The following RRM2 variants were observed in gnomAD, a reference collection of about 807,000 sequenced individuals.
RRM2 encodes the protein ribonucleoside-diphosphate reductase subunit M2.
RRM2 carries 6 observed loss-of-function variants against 45.9 expected under a neutral mutation model. The ratio of observed to expected loss-of-function variants is 0.13; its 90% CI spans 0.07 to 0.26. The LOEUF is 0.26. Ranked by LOEUF, RRM2 falls within the 10% of genes least tolerant of loss-of-function variation. The pLI is 1.00. For missense variants in RRM2, 343 were observed against 489.5 expected (o/e 0.70, Z 2.82); for synonymous variants, 177 against 173.0 (o/e 1.02, Z -0.18).
At position 10,122,767 on chromosome 2, in the gene RRM2, G is replaced by A. The variant is rs755425319; in HGVS notation, c.-32G>A. 1 of 1,564,400 alleles carries A rather than the reference G, an allele frequency of 6.4e-7. No homozygotes were observed. The highest frequency in any genetic ancestry group is 2.4e-5 in the East Asian group (1 of 42,400). On this transcript the variant is annotated 5_prime_UTR_variant, in exon 1 of 10. Transcript: ENST00000304567. ...CACCCTGTCCCAGCCGTCCTGTCCT[G>A]GCTGCTCGCTCTGCTTCGCTGCGCC... is the stretch of plus-strand genomic sequence containing the variant.
chr2:10,160,106 T>C (rs770428713), intron 3 of RRM2, among the ~76,000 whole-genome samples: 1 of 152,204 alleles, frequency 6.6e-6, no homozygotes, highest in Non-Finnish European at 1.5e-5. Context: ...CCTGCTCTTA[T>C]GGGCTGCCGT....
chr2:10,145,044 A>G (rs1170827175), intron 3 of RRM2, among the ~76,000 whole-genome samples: 1 of 152,132 alleles, frequency 6.6e-6, no homozygotes, highest in African/African-American at 2.4e-5. Context: ...AGGGATCTGT[A>G]GGAGTCTGTG....
At chr2:10,132,423 T>C (rs2125309321), downstream of RRM2, among the ~76,000 whole-genome samples, 1 of 152,198 alleles carries the variant, frequency 6.6e-6, no homozygotes, top group African/African-American at 2.4e-5. Context: ...GAGATGATGT[T>C]TCCTTAGTGG....
intron 3 of RRM2, chr2:10,155,881 G>C (rs967191962): frequency 1.3e-5 from 2 of 152,248 alleles, no homozygotes; most frequent in Non-Finnish European, 2.9e-5. Flanking sequence ...ACAATGACAT[G>C]GGCTCTCTGT....
chr2:10,158,068 C>G (rs1366355796), intron 3 of RRM2, among the ~76,000 whole-genome samples: 1 of 152,176 alleles, frequency 6.6e-6, no homozygotes, highest in Non-Finnish European at 1.5e-5. Flanking sequence ...TCAAACACCT[C>G]TGGTCATCTT....
At chr2:10,140,515 T>A (rs903400808), upstream of RRM2, among the ~76,000 whole-genome samples, 1 of 152,066 alleles carries the variant, frequency 6.6e-6, no homozygotes, top group Non-Finnish European at 1.5e-5. Context: ...GATGGGAAAG[T>A]AGTGGATGGC....
At chr2:10,159,130 G>A (rs1321966987) in intron 3 of RRM2, among the ~76,000 whole-genome samples, 1 of 152,106 alleles carries the variant, frequency 6.6e-6, no homozygotes, top group Non-Finnish European at 1.5e-5. Flanking sequence ...AGGTAAGGTG[G>A]GGGTGGGTGA....
At chr2:10,122,693 C>T (rs776092939), upstream of RRM2, 12 of 1,550,862 alleles carry the variant, frequency 7.7e-6, no homozygotes, top group Middle Eastern at 1.7e-4. Flanking sequence ...GGGCCGGGAG[C>T]GCGCGGCGCG....
At chr2:10,184,850 C>G (rs1216695956) in intron 3 of RRM2, among the ~76,000 whole-genome samples, 1 of 152,240 alleles carries the variant, frequency 6.6e-6, no homozygotes, top group East Asian at 1.9e-4. Flanking sequence ...AGGGAGGAGA[C>G]TGCCTTAAGA....
intron 3 of RRM2, among the ~76,000 whole-genome samples, chr2:10,175,790 G>A (rs1663903419): frequency 6.6e-6 from 1 of 151,362 alleles, no homozygotes; most frequent in Non-Finnish European, 1.5e-5. Flanking sequence ...TTTTTTAATA[G>A]AGACAGGGTT....
intron 3 of RRM2, among the ~76,000 whole-genome samples, chr2:10,180,753 TTTTA>T (rs146475647): frequency 0.24 from 36,917 of 151,422 alleles, 4,994 homozygotes; most frequent in East Asian, 0.5. Context: ...AACACTTTAT[TTTTA>T]TTTATTTATT....
chr2:10,134,967 C>T (rs144323357), downstream of RRM2, among the ~76,000 whole-genome samples: 7 of 152,324 alleles, frequency 4.6e-5, no homozygotes, highest in East Asian at 1.2e-3. Context: ...TTGAATGAAG[C>T]TGCAGAACAT....
At chr2:10,207,930 A>G (rs1243663850) in intron 3 of RRM2, among the ~76,000 whole-genome samples, 1 of 151,954 alleles carries the variant, frequency 6.6e-6, no homozygotes, top group Non-Finnish European at 1.5e-5. Context: ...TGCAGTAAAC[A>G]TTCACCAGTT....
exon 4 of RRM2, chr2:10,210,623 C>T: frequency 7.4e-7 from 1 of 1,355,158 alleles, no homozygotes; most frequent in Non-Finnish European, 9.8e-7. Flanking sequence ...CTTTCAATCA[C>T]ACCCACTGCC....
At chr2:10,142,084 GA>G in intron 2 of RRM2, 1 of 1,594,154 alleles carries the variant, frequency 6.3e-7, no homozygotes, top group East Asian at 2.3e-5. Flanking sequence ...GTGGTTAGGG[GA>G]GGAAAGCATG....
intron 2 of RRM2, chr2:10,142,143 C>T (rs963611842): frequency 6.5e-7 from 1 of 1,549,222 alleles, no homozygotes; most frequent in Non-Finnish European, 8.8e-7. Flanking sequence ...GCAGGCGCGT[C>T]TGTGAGTGGT....
chr2:10,176,637 C>CT (rs112215857), intron 3 of RRM2, among the ~76,000 whole-genome samples: 40,359 of 152,120 alleles, frequency 0.27, 6,274 homozygotes, highest in Non-Finnish European at 0.36. Flanking sequence ...TATCTGGTTT[C>CT]TTTTGCTTAA....
intron 4 of RRM2, among the ~76,000 whole-genome samples, 187 bp from the exon 5 acceptor site, chr2:10,124,530 G>A (rs1230778825): frequency 6.6e-6 from 1 of 152,172 alleles, no homozygotes; most frequent in Non-Finnish European, 1.5e-5. Flanking sequence ...TATTTTATAT[G>A]TATCTATTTC....
chr2:10,194,125 G>C (rs891951204), intron 3 of RRM2, among the ~76,000 whole-genome samples: 4 of 152,162 alleles, frequency 2.6e-5, no homozygotes, highest in Non-Finnish European at 5.9e-5. Flanking sequence ...ATGAGTCATC[G>C]TTGAAAGGAA....
Sources: gnomAD v4.1 joint callset for allele counts (sites outside exome capture counted in the v4.1 genomes callset) on GRCh38, gnomAD v4.1.1 for gene constraint, MANE v1.5 for transcripts, NCBI Gene and HGNC (gene_info 2026-07-23, HGNC 2026-07-21) for gene names.